Variants in GAS2L3 observed in about 807,000 individuals in gnomAD.
GAS2L3 encodes the protein GAS2-like protein 3.
GAS2L3 carries 28 observed loss-of-function variants against 37.0 expected under a neutral mutation model. The observed-to-expected ratio is 0.76, with a 90% CI of 0.56 to 1.04. The LOEUF (loss-of-function observed/expected upper bound fraction) is 1.04, where lower values mean the gene tolerates loss of function less well. Ranked by LOEUF, GAS2L3 falls within the 50% of genes least tolerant of loss-of-function variation. The probability of loss-of-function intolerance (pLI) is 0.00; values close to 1 mark genes in which losing one functional copy is unlikely to be tolerated. For synonymous variants in GAS2L3, 290 were observed against 296.6 expected, an observed-to-expected ratio of 0.98 and a Z score of 0.23; for missense variants, 793 against 817.6, an observed-to-expected ratio of 0.97 and a Z score of 0.37.
In GAS2L3 at chr12:100,611,981, AT is replaced by A; in HGVS notation, c.304-17del. On this transcript the variant is annotated intron_variant, in intron 5 of 9. Coordinates refer to ENST00000547754, the MANE Select transcript of GAS2L3 (RefSeq NM_174942.3). ...GTATCCTTGATACATTTTTGAAATT[AT>A]TCTTTTGTCTTTTCCAGAATTTTCC... 6.5e-7 allele frequency: 1 copy of A among 1,539,274 alleles called. No homozygotes were observed. Among genetic ancestry groups the A allele is most frequent in the Non-Finnish European group, 8.9e-7 (1 of 1,117,350 alleles).
chr12:100,587,166 C>T (rs1173496685), intron 1 of GAS2L3, among the ~76,000 whole-genome samples: 1 of 152,110 alleles, frequency 6.6e-6, no homozygotes. Flanking sequence ...GAATTGGTAC[C>T]AATCCTTTTG....
intron 3 of GAS2L3, among the ~76,000 whole-genome samples, chr12:100,599,075 G>A (rs569722469): frequency 3.9e-5 from 6 of 152,116 alleles, no homozygotes; most frequent in Admixed American, 1.3e-4. Flanking sequence ...CCCCATACCC[G>A]GATGCCCACT....
intron 5 of GAS2L3, among the ~76,000 whole-genome samples, chr12:100,604,780 A>G (rs543498235): frequency 6.6e-5 from 10 of 151,920 alleles, no homozygotes; most frequent in Non-Finnish European, 1.5e-4. Context: ...TTCTATACCC[A>G]GTTTCTTTAG....
At position 100,624,339 on chromosome 12, in the gene GAS2L3, A is replaced by C. The variant is rs760246112; in HGVS notation, c.1534A>C (p.Lys512Gln). The change falls in exon 10 of 10, where the codon AAA (lysine) becomes CAA (glutamine). Residue 512 changes from lysine (K) to glutamine (Q), a missense_variant. Physicochemically the swap from Lys to Gln is moderately conservative, Grantham distance 53 (BLOSUM62 1). Transcript: ENST00000547754. ...TAAAGCAAATATACCTGTAAGACCT[A>C]AACCTTCTTTCCAGTCCTCTGCAAA... ...LPKANIPVRP[K>Q]PSFQSSAKMT... 24 of 1,613,996 alleles carry C rather than the reference A, an allele frequency of 1.5e-5. No individual in the cohort carries two copies. The highest frequency in any genetic ancestry group is 2.2e-5 in the East Asian group (1 of 44,866).
intron 1 of GAS2L3, among the ~76,000 whole-genome samples, chr12:100,587,906 G>A (rs1955800408): frequency 6.6e-6 from 1 of 152,072 alleles, no homozygotes; most frequent in Admixed American, 6.5e-5. Flanking sequence ...CAAAAAATTA[G>A]CCAGGTGTGG....
At chr12:100,593,510 T>C (rs1955872024) in intron 2 of GAS2L3, 1 of 152,166 alleles carries the variant, frequency 6.6e-6, no homozygotes, top group Non-Finnish European at 1.5e-5. Context: ...ATTCTTGTGA[T>C]AGCTTCTTTG....
At chr12:100,603,181 C>T (rs7971463) in intron 5 of GAS2L3, among the ~76,000 whole-genome samples, 13 of 152,146 alleles carry the variant, frequency 8.5e-5, no homozygotes, top group African/African-American at 2.9e-4. Flanking sequence ...TTGGGTCATA[C>T]GGTAGCTCTA....
In GAS2L3 at chr12:100,600,565, A is replaced by T. The variant is rs1565804897; in HGVS notation, c.187+15A>T. ...TGGTTTATTAGGTGAGGCTTGAAAC[A>T]ATACCCAAAATTGTATTATCTTATT... On this transcript the variant is annotated intron_variant, in intron 4 of 9. Transcript: ENST00000547754. 2 of 1,594,948 alleles carry T rather than the reference A, an allele frequency of 1.3e-6. No homozygotes were observed. The highest frequency in any genetic ancestry group is 1.7e-6 in the Non-Finnish European group (2 of 1,163,902).
intron 8 of GAS2L3, 43 bp from the exon 9 acceptor site, chr12:100,622,232 C>A: frequency 9.2e-7 from 1 of 1,091,768 alleles, no homozygotes; most frequent in Non-Finnish European, 1.4e-6. Flanking sequence ...AAACAAAATG[C>A]TTTTTGTGAC....
intron 5 of GAS2L3, chr12:100,611,121 G>C (rs1956122494): frequency 6.6e-6 from 1 of 152,000 alleles, no homozygotes; most frequent in Admixed American, 6.6e-5. Context: ...TGAGCAGCTG[G>C]GACTTTAGCT....
In GAS2L3 at chr12:100,625,279, G is replaced by C. The variant is rs1276932339; in HGVS notation, c.*389G>C. ...TCATATACCTGCTAATATCAACGGTGGTGCTCTTACTATTAGTTAATTGCA... is the reference window on the plus strand; with the variant it reads ...TCATATACCTGCTAATATCAACGGTCGTGCTCTTACTATTAGTTAATTGCA... On this transcript the variant is annotated 3_prime_UTR_variant, in exon 10 of 10. Transcript: ENST00000547754. The C allele has an allele frequency of 6.4e-6, 1 of 155,620 alleles. No homozygotes were observed. Among genetic ancestry groups the C allele is most frequent in the Non-Finnish European group, 1.4e-5 (1 of 70,408 alleles). 9.6% of individuals were successfully genotyped at this position (155,620 alleles called of 1,614,324 possible). A position where few individuals can be genotyped will look rare whatever the true frequency, so the allele number is the denominator to read the frequency against.
intron 1 of GAS2L3, chr12:100,580,045 A>G (rs1279609528): frequency 2.8e-6 from 4 of 1,447,386 alleles, no homozygotes; most frequent in African/African-American, 2.8e-5. Flanking sequence ...GCTGTTTTCA[A>G]CTTCCTCTTC....
At chr12:100,613,599 T>C (rs11110437) in intron 6 of GAS2L3, among the ~76,000 whole-genome samples, 11,457 of 140,432 alleles carry the variant, frequency 0.082, 586 homozygotes, top group South Asian at 0.19. Context: ...CATTTCTTTC[T>C]TTTTTTTTTT....
At chr12:100,597,089 A>C (rs746967251) in intron 3 of GAS2L3, among the ~76,000 whole-genome samples, 1 of 151,970 alleles carries the variant, frequency 6.6e-6, no homozygotes, top group Non-Finnish European at 1.5e-5. Context: ...ATGTGACAAG[A>C]AGTAAAAATG....
chr12:100,601,720 C>G lies in GAS2L3; in HGVS notation c.270C>G (p.Asn90Lys), dbSNP rs760367577. 1 of 1,599,274 alleles carries G rather than the reference C, an allele frequency of 6.3e-7. No homozygotes were observed. Among genetic ancestry groups the G allele is most frequent in the South Asian group, 1.1e-5 (1 of 89,566 alleles). The change falls in exon 5 of 10, where the codon AAC becomes AAG. Residue 90 changes from asparagine to lysine, a missense_variant. Transcript: ENST00000547754. The part of the protein sequence containing the change: ...LLCQLIDVLQ[N>K]MVKTCNSEES... ...GTCAACTGATTGATGTTCTTCAAAA[C>G]ATGGTGAAAACATGCAACTCTGAAG...
chr12:100,613,405 CAAAT>C (rs1956149324), intron 6 of GAS2L3, among the ~76,000 whole-genome samples: 1 of 152,006 alleles, frequency 6.6e-6, no homozygotes, highest in Non-Finnish European at 1.5e-5. Context: ...TTTTATGAAA[CAAAT>C]ATACTATTTT....
Position 100,624,549 on chromosome 12 carries a change from A to T in GAS2L3, c.1744A>T (p.Asn582Tyr). 6.2e-7 allele frequency: 1 copy of T among 1,614,022 alleles called. No individual in the cohort carries two copies. The highest frequency in any genetic ancestry group is 8.5e-7 in the Non-Finnish European group (1 of 1,180,018). The change falls in exon 10 of 10, where the codon AAT (asparagine) becomes TAT (tyrosine). Residue 582 changes from asparagine to tyrosine, a missense_variant. Coordinates refer to ENST00000547754, the MANE Select transcript of GAS2L3 (RefSeq NM_174942.3). ...AGCCACACAGAAATCAAAAGATAAG[A>T]ATATAGTTTCAGCTACCAAAAAGCA... ...VKATQKSKDK[N>Y]IVSATKKQPQ...
At chr12:100,578,120 A>G (rs1019333595) in intron 1 of GAS2L3, among the ~76,000 whole-genome samples, 5 of 152,232 alleles carry the variant, frequency 3.3e-5, no homozygotes, top group African/African-American at 9.6e-5. Context: ...GGCTGGAGAA[A>G]AGGTGACTGT....
chr12:100,608,337 G>C (rs2114910), intron 5 of GAS2L3, among the ~76,000 whole-genome samples: 83,617 of 151,942 alleles, frequency 0.55, 23,962 homozygotes, highest in African/African-American at 0.7. Flanking sequence ...ACACCTGAAG[G>C]CAGCACAGCA....
Sources: gnomAD v4.1 joint callset for allele counts (sites outside exome capture counted in the v4.1 genomes callset) on GRCh38, gnomAD v4.1.1 for gene constraint, MANE v1.5 for transcripts, NCBI Gene and HGNC (gene_info 2026-07-23, HGNC 2026-07-21) for gene names.